Variants in DCAF8L2 observed in about 807,000 individuals in gnomAD.
The protein encoded by DCAF8L2 is DDB1- and CUL4-associated factor 8-like protein 2.
For missense variants in DCAF8L2, 430 were observed against 490.7 expected (o/e 0.88, Z 1.17); for synonymous variants, 200 against 190.9 (o/e 1.05, Z -0.39).
chrX:27,505,838 G>T, the DCAF8L2 span, among the ~76,000 whole-genome samples: 6 of 112,160 alleles, frequency 5.3e-5, no homozygotes, highest in Non-Finnish European at 1.1e-4. Flanking sequence ...AGGTCCTCAT[G>T]TCAGGGAAAC....
At position 27,689,240 on chromosome X, in the gene DCAF8L2, T is replaced by C. The variant is rs139262478; in HGVS notation, c.-143+11328T>C. 7.5e-4 allele frequency among the ~76,000 whole-genome samples: 84 copies of C among 112,007 alleles called. 2 individuals are homozygous for C. The East Asian group carries it at 0.021, about 28-fold the overall frequency. On this transcript the variant is annotated intron_variant, in intron 3 of 4. Transcript: ENST00000451261. ...ATACACCACAAGATTGATTGACTGA[T>C]TGATTGATTGATTGATTTTTTGCGA...
At chrX:27,555,267 G>A in the DCAF8L2 span, among the ~76,000 whole-genome samples, 1 of 112,149 alleles carries the variant, frequency 8.9e-6, no homozygotes, top group Admixed American at 9.5e-5. Context: ...GCTAGAAGAT[G>A]TAGCCAAGAC....
chrX:27,491,526 G>T, the DCAF8L2 span, among the ~76,000 whole-genome samples: 1 of 112,054 alleles, frequency 8.9e-6, no homozygotes, highest in Non-Finnish European at 1.9e-5. Flanking sequence ...TCTATCATTG[G>T]TTTTCCTTTT....
intron 3 of DCAF8L2, among the ~76,000 whole-genome samples, chrX:27,678,816 G>A (rs748211955): frequency 8.9e-6 from 1 of 111,907 alleles, no homozygotes; most frequent in African/African-American, 3.2e-5. Context: ...ATGCTTCAAA[G>A]TGGTTAAAAT....
At chrX:27,550,101 G>T in the DCAF8L2 span, among the ~76,000 whole-genome samples, 1 of 111,863 alleles carries the variant, frequency 8.9e-6, no homozygotes, top group Admixed American at 9.6e-5. Context: ...ATGATAATTA[G>T]CATCAGGAAT....
At chrX:27,527,051 C>G in the DCAF8L2 span, among the ~76,000 whole-genome samples, 1 of 112,178 alleles carries the variant, frequency 8.9e-6, no homozygotes, top group Non-Finnish European at 1.9e-5. Context: ...CTCTTCAAAG[C>G]TGTCAGACAG....
intron 1 of DCAF8L2, among the ~76,000 whole-genome samples, chrX:27,596,857 G>A (rs1356657781): frequency 1.8e-5 from 2 of 111,207 alleles, no homozygotes; most frequent in Non-Finnish European, 3.8e-5. Context: ...TGTTTTCAGT[G>A]ACATTATATA....
At chrX:27,599,706 G>T (rs1048458366) in intron 1 of DCAF8L2, among the ~76,000 whole-genome samples, 1 of 110,832 alleles carries the variant, frequency 9.0e-6, no homozygotes, top group Non-Finnish European at 1.9e-5. Flanking sequence ...ACTTGAATTT[G>T]CCCCCGCCCC....
chrX:27,674,786 A>G (rs772563147), intron 2 of DCAF8L2, among the ~76,000 whole-genome samples: 2 of 111,777 alleles, frequency 1.8e-5, no homozygotes, highest in African/African-American at 3.2e-5. Flanking sequence ...AGAAAGGTCA[A>G]AGAAGATTTA....
rs1471872391 is a variant in DCAF8L2, at chrX:27,749,769, A to T, written c.*978A>T. On this transcript the variant is annotated 3_prime_UTR_variant, in exon 5 of 5. Coordinates refer to ENST00000451261, the MANE Select transcript of DCAF8L2 (RefSeq NM_001353450.2). ...CAATAAAGATTGTTTATACTTACAC[A>T]TAACCATTTGGTGTAATTGGTAGAA... Among the ~76,000 whole-genome samples, 1 of 112,287 alleles carries T rather than the reference A, an allele frequency of 8.9e-6. No individual in the cohort carries two copies. Among genetic ancestry groups the T allele is most frequent in the South Asian group, 3.6e-4 (1 of 2,741 alleles).
chrX:27,534,980 T>C, the DCAF8L2 span, among the ~76,000 whole-genome samples: 1 of 111,971 alleles, frequency 8.9e-6, no homozygotes, highest in Admixed American at 9.5e-5. Context: ...ACTTATTGAT[T>C]ACATCAGTCA....
At chrX:27,633,408 T>C (rs924684895) in intron 2 of DCAF8L2, 4 of 112,153 alleles carry the variant, frequency 3.6e-5, no homozygotes, top group African/African-American at 1.3e-4. Context: ...TTCAAAGCAA[T>C]TTCCAGTCAA....
intron 3 of DCAF8L2, among the ~76,000 whole-genome samples, chrX:27,696,718 A>T (rs1930940082): frequency 9.1e-6 from 1 of 110,494 alleles, no homozygotes; most frequent in African/African-American, 3.4e-5. Context: ...AAGGTCTTCA[A>T]ATGATTGACA....
At chrX:27,585,824 A>G (rs148111869), upstream of DCAF8L2, among the ~76,000 whole-genome samples, 2,187 of 111,058 alleles carry the variant, frequency 0.02, 72 homozygotes, top group African/African-American at 0.068. Flanking sequence ...TTACCTTCCC[A>G]CTTCCCATCT....
chrX:27,706,252 T>G (rs1258971818), intron 3 of DCAF8L2, among the ~76,000 whole-genome samples: 3 of 111,107 alleles, frequency 2.7e-5, no homozygotes, highest in East Asian at 5.6e-4. Context: ...TCTTTATGAT[T>G]ATTATTATTA....
the DCAF8L2 span, among the ~76,000 whole-genome samples, chrX:27,568,153 C>T: frequency 9.0e-5 from 10 of 110,889 alleles, no homozygotes; most frequent in African/African-American, 3.3e-4. Context: ...GAAAATCAGC[C>T]CAAAACAATG....
intron 3 of DCAF8L2, among the ~76,000 whole-genome samples, chrX:27,692,805 G>GTA (rs1454240406): frequency 9.0e-6 from 1 of 110,929 alleles, no homozygotes; most frequent in Non-Finnish European, 1.9e-5. Flanking sequence ...TCATAATATA[G>GTA]GGAGAAGGAG....
chrX:27,696,451 AT>A (rs1417641435), intron 3 of DCAF8L2, among the ~76,000 whole-genome samples: 1 of 111,295 alleles, frequency 9.0e-6, no homozygotes, highest in African/African-American at 3.3e-5. Flanking sequence ...CTGTTCAGCT[AT>A]GTTTTTAATA....
rs773082610 is a variant in DCAF8L2, at chrX:27,643,325, T to G, written c.-220+11325T>G. On this transcript the variant is annotated intron_variant, in intron 2 of 4. Coordinates refer to ENST00000451261, the MANE Select transcript of DCAF8L2 (RefSeq NM_001353450.2). ...GCTTTGATTTGCATTTCCCTGATGA[T>G]TAGTGAAGGTGAGCACCTTCTTATA... Among the ~76,000 whole-genome samples, 22 of 112,232 alleles carry G rather than the reference T, an allele frequency of 2.0e-4. No homozygotes were observed. In the East Asian group the frequency reaches 6.2e-3, roughly 32 times the overall value.
Sources: allele counts gnomAD v4.1 joint callset (sites outside exome capture counted in the v4.1 genomes callset), GRCh38; gene constraint gnomAD v4.1.1; transcripts MANE v1.5; gene names NCBI Gene and HGNC (gene_info 2026-07-23, HGNC 2026-07-21).